OXR1: variants seen among roughly 807,000 people sequenced by gnomAD.
The protein encoded by OXR1 is oxidation resistance 1.
Under a neutral mutation model 104.6 loss-of-function variants are expected in OXR1, and 41 were observed. The observed-to-expected ratio is 0.39, with a 90% CI of 0.31 to 0.51. The LOEUF is 0.51. OXR1 is among the 20% of genes least tolerant of loss of function. The pLI is 0.77. For missense variants in OXR1, 955 were observed against 1,031.9 expected, an observed-to-expected ratio of 0.93 and a Z score of 1.02; for synonymous variants, 348 against 348.4, an observed-to-expected ratio of 1.00 and a Z score of 0.01.
intron 1 of OXR1, among the ~76,000 whole-genome samples, chr8:106,281,754 C>T (rs927522034): frequency 1.4e-5 from 2 of 138,574 alleles, no homozygotes; most frequent in South Asian, 4.7e-4. Context: ...AAGCAGAGAT[C>T]GTGCCACTGC....
At chr8:106,742,382 T>A in intron 15 of OXR1, 65 bp downstream of exon 15, 3 of 897,304 alleles carry the variant, frequency 3.3e-6, no homozygotes, top group South Asian at 2.9e-5. Context: ...CCAAAGCAAT[T>A]TATAGATTCA....
intron 1 of OXR1, among the ~76,000 whole-genome samples, chr8:106,328,721 G>A (rs1267261986): frequency 6.6e-6 from 1 of 152,120 alleles, no homozygotes; most frequent in Admixed American, 6.5e-5. Flanking sequence ...AAACCCTTGA[G>A]CAGGAATAGT....
At chr8:106,448,053 G>A in intron 2 of OXR1, 3 of 1,535,850 alleles carry the variant, frequency 2.0e-6, no homozygotes. Context: ...CCCAGGGTAG[G>A]TGGGATCTAT....
chr8:106,273,829 G>T (rs1192236847), intron 1 of OXR1, among the ~76,000 whole-genome samples: 1 of 152,140 alleles, frequency 6.6e-6, no homozygotes, highest in Non-Finnish European at 1.5e-5. Context: ...GACATATTGA[G>T]AATTTCTAAA....
At chr8:106,669,273 G>A (rs1826674716) in intron 3 of OXR1, among the ~76,000 whole-genome samples, 1 of 152,090 alleles carries the variant, frequency 6.6e-6, no homozygotes, top group South Asian at 2.1e-4. Context: ...TGTGAACTGG[G>A]GAAGAGAAGA....
In OXR1 at chr8:106,579,277, T is replaced by C. The variant is rs149822423; in HGVS notation, c.220+60138T>C. On this transcript the variant is annotated intron_variant, in intron 3 of 16. Transcript: ENST00000517566. ...TCACTTCCTGCCTGAAATCCTGTAA[T>C]TGCTAGTGTTTGACATTCGAAACTC... is the stretch of plus-strand genomic sequence containing the variant. 2.5e-3 allele frequency among the ~76,000 whole-genome samples: 377 copies of C among 152,250 alleles called. 1 individual carries two copies. Among genetic ancestry groups the C allele is most frequent in the African/African-American group, 8.1e-3 (335 of 41,538 alleles).
intron 3 of OXR1, among the ~76,000 whole-genome samples, chr8:106,597,476 A>G (rs1586871984): frequency 1.3e-5 from 2 of 152,342 alleles, no homozygotes; most frequent in East Asian, 3.9e-4. Context: ...GGCTGAATGG[A>G]CTAAGAAAGG....
At chr8:106,516,505 G>A (rs974950940) in intron 2 of OXR1, among the ~76,000 whole-genome samples, 4 of 152,102 alleles carry the variant, frequency 2.6e-5, no homozygotes, top group African/African-American at 9.7e-5. Flanking sequence ...GTTCATTTCA[G>A]CTCATGAGAA....
chr8:106,640,880 G>T (rs898814595), intron 3 of OXR1, among the ~76,000 whole-genome samples: 2 of 152,048 alleles, frequency 1.3e-5, no homozygotes, highest in African/African-American at 4.8e-5. Context: ...CTTTTTACTA[G>T]TTCCAAAATC....
intron 3 of OXR1, among the ~76,000 whole-genome samples, chr8:106,531,910 A>T (rs1480247685): frequency 2.0e-5 from 3 of 152,204 alleles, no homozygotes; most frequent in African/African-American, 7.2e-5. Context: ...AGATGCACTT[A>T]AGGAAAAGGG....
intron 1 of OXR1, among the ~76,000 whole-genome samples, chr8:106,313,562 G>A (rs193182240): frequency 4.2e-4 from 64 of 152,140 alleles, no homozygotes; most frequent in Admixed American, 2.9e-3. Context: ...CTTTTAATAA[G>A]CACAGCAATT....
chr8:106,356,029 T>C (rs1057234838), intron 1 of OXR1, among the ~76,000 whole-genome samples: 2 of 152,158 alleles, frequency 1.3e-5, no homozygotes, highest in Non-Finnish European at 1.5e-5. Flanking sequence ...AGAAGTGTTT[T>C]TAAGTGCTGG....
intron 3 of OXR1, among the ~76,000 whole-genome samples, chr8:106,666,199 C>T (rs1182799486): frequency 1.3e-5 from 2 of 152,102 alleles, no homozygotes; most frequent in Admixed American, 6.5e-5. Flanking sequence ...GTAGGTTTTA[C>T]ATTTTAAACT....
At chr8:106,677,191 A>ATTGGTTCT (rs751576948) in intron 3 of OXR1, among the ~76,000 whole-genome samples, 91,938 of 151,826 alleles carry the variant, frequency 0.61, 28,704 homozygotes, top group African/African-American at 0.76. Context: ...TGCAAGTTTA[A>ATTGGTTCT]TTTGCTATTC....
chr8:106,500,559 C>G (rs1054155568), intron 2 of OXR1, among the ~76,000 whole-genome samples: 3 of 151,708 alleles, frequency 2.0e-5, no homozygotes, highest in Non-Finnish European at 4.4e-5. Context: ...TCAGGGAGCT[C>G]GGATTTTAAG....
intron 3 of OXR1, among the ~76,000 whole-genome samples, chr8:106,531,534 G>A (rs1447840126): frequency 6.6e-6 from 1 of 151,984 alleles, no homozygotes; most frequent in African/African-American, 2.4e-5. Flanking sequence ...AGCTAGAGGG[G>A]GCAAAAATTA....
intron 1 of OXR1, among the ~76,000 whole-genome samples, chr8:106,350,364 G>A (rs540916874): frequency 2.0e-5 from 3 of 152,260 alleles, no homozygotes; most frequent in Non-Finnish European, 2.9e-5. Flanking sequence ...AAAAGTTGCT[G>A]TAAGGTTCAT....
At chr8:106,633,580 G>A (rs886372298) in intron 3 of OXR1, among the ~76,000 whole-genome samples, 1 of 152,108 alleles carries the variant, frequency 6.6e-6, no homozygotes, top group Non-Finnish European at 1.5e-5. Context: ...ACAATGTTGG[G>A]CTTATTATCT....
chr8:106,737,440 CTTTTTTTTTT>C (rs71562118), intron 11 of OXR1, 70 bp from the exon 12 acceptor site: 35 of 148,060 alleles, frequency 2.4e-4, no homozygotes, highest in East Asian at 1.0e-3. Context: ...AATTTCTCCT[CTTTTTTTTTT>C]TTTTTTTTTT....
Sources: gnomAD v4.1 joint callset for allele counts (sites outside exome capture counted in the v4.1 genomes callset) on GRCh38, gnomAD v4.1.1 for gene constraint, MANE v1.5 for transcripts, NCBI Gene and HGNC (gene_info 2026-07-23, HGNC 2026-07-21) for gene names.